The following RSPH6A variants were observed in gnomAD, a reference collection of about 807,000 sequenced individuals.
RSPH6A encodes radial spoke head 6 homolog A, also known as radial spoke head protein 6 homolog A.
A neutral mutation model predicts 66.1 loss-of-function variants in RSPH6A; 49 were observed. The observed-to-expected ratio is 0.74, with a 90% CI of 0.59 to 0.94. RSPH6A has a LOEUF of 0.94. Among genes scored for constraint, RSPH6A ranks in the 40% least tolerant of loss-of-function variants. The probability of loss-of-function intolerance (pLI) is 0.00; values close to 1 mark genes in which losing one functional copy is unlikely to be tolerated. For synonymous variants in RSPH6A, 419 were observed against 402.4 expected (o/e 1.04, Z -0.49); for missense variants, 977 against 948.3 (o/e 1.03, Z -0.40).
In RSPH6A at chr19:45,795,949, C is replaced by A; in HGVS notation, c.2074G>T (p.Ala692Ser). 1 of 1,613,992 alleles carries A rather than the reference C, an allele frequency of 6.2e-7. No individual in the cohort carries two copies. Among genetic ancestry groups the A allele is most frequent in the Non-Finnish European group, 8.5e-7 (1 of 1,180,008 alleles). ...GTGGCTCCCAGGGCTTGTTCCTGGG[C>A]TGCTTTCAGAGCCTGCTCCTCTTCC... ...TVEEEQALKAAQEQALGATEE... is the reference protein window; with the variant it reads ...TVEEEQALKASQEQALGATEE... Residue 692 changes from alanine (A) to serine (S), a missense_variant, in exon 6 of 6, where the codon GCC (alanine) becomes TCC (serine). By Grantham distance (99) the Ala-to-Ser change is moderately conservative (BLOSUM62 1). Transcript: ENST00000221538.
intron 3 of RSPH6A, among the ~76,000 whole-genome samples, chr19:45,802,937 A>T (rs551361984): frequency 5.3e-4 from 79 of 149,108 alleles, no homozygotes; most frequent in South Asian, 1.1e-3. Context: ...CCTCCCAAGC[A>T]GTGGCTTACG....
Position 45,810,833 on chromosome 19 carries a change from G to T in RSPH6A, c.658C>A (p.His220Asn), listed in dbSNP as rs776159398. Residue 220 changes from histidine (H) to asparagine (N), a missense_variant, in exon 2 of 6, where the codon CAC (histidine) becomes AAC (asparagine). By Grantham distance (68) the His-to-Asn change is moderately conservative. Transcript: ENST00000221538. ...ATCTTGGTCAGCAGATTCACCAGGT[G>T]CTCGTACCTGCCTCCCGCAGGAGGA... is the stretch of plus-strand genomic sequence containing the variant. ...SINCDLSLYE[H>N]LVNLLTKILN... 6.2e-7 allele frequency: 1 copy of T among 1,606,998 alleles called. No individual in the cohort carries two copies. The highest frequency in any genetic ancestry group is 1.7e-5 in the Admixed American group (1 of 59,768).
intron 1 of RSPH6A, among the ~76,000 whole-genome samples, chr19:45,813,140 C>A (rs1970650141): frequency 6.6e-6 from 1 of 152,080 alleles, no homozygotes; most frequent in Non-Finnish European, 1.5e-5. Flanking sequence ...AACCTCATTT[C>A]TCCCGCTCTC....
chr19:45,813,627 G>C (rs939404723), intron 1 of RSPH6A, among the ~76,000 whole-genome samples: 26 of 152,334 alleles, frequency 1.7e-4, no homozygotes, highest in Non-Finnish European at 3.8e-4. Context: ...TAACAGGCGT[G>C]AGCCACCGCA....
chr19:45,800,423 G>A (rs1308951893), intron 5 of RSPH6A, 23 bp downstream of exon 5: 1 of 1,598,352 alleles, frequency 6.3e-7, no homozygotes, highest in East Asian at 2.2e-5. Context: ...TCTCCTGCTG[G>A]GAGGGGCTGG....
intron 2 of RSPH6A, among the ~76,000 whole-genome samples, chr19:45,809,341 G>A (rs1462897730): frequency 8.7e-6 from 1 of 115,542 alleles, no homozygotes; most frequent in Non-Finnish European, 1.7e-5. Flanking sequence ...GTCTCGCTCT[G>A]TCGCCCAGGC....
intron 5 of RSPH6A, among the ~76,000 whole-genome samples, chr19:45,796,838 G>T (rs1169411745): frequency 6.6e-6 from 1 of 151,932 alleles, no homozygotes; most frequent in Non-Finnish European, 1.5e-5. Context: ...TAGTAGAGAG[G>T]GGGTTTCATC....
chr19:45,815,015 G>A lies in RSPH6A; in HGVS notation c.162C>T (p.Ala54=), dbSNP rs762669780. The A allele has an allele frequency of 6.8e-6, 11 of 1,613,674 alleles. No homozygotes were observed. The Admixed American group carries it at 1.0e-4, about 15-fold the overall frequency. ...QQIPPDAQRN[A]PGWSQRGSLS... ...GGCTGCCCCTCTGTGACCAACCAGG[G>A]GCGTTTCGCTGGGCGTCTGGAGGTA... The change falls in exon 1 of 6, where the codon GCC becomes GCT. Residue 54 remains alanine (A), a synonymous_variant. Transcript: ENST00000221538.
At chr19:45,808,565 C>G (rs1416064291) in intron 2 of RSPH6A, among the ~76,000 whole-genome samples, 5 of 151,596 alleles carry the variant, frequency 3.3e-5, no homozygotes, top group African/African-American at 1.2e-4. Context: ...TGTATTCCAG[C>G]CTGCGTGACA....
Position 45,804,621 on chromosome 19 carries a change from G to A in RSPH6A, c.1284C>T (p.Tyr428=), listed in dbSNP as rs1273995928. 6.2e-7 allele frequency: 1 copy of A among 1,614,170 alleles called. No homozygotes were observed. The highest frequency in any genetic ancestry group is 1.7e-5 in the Admixed American group (1 of 60,024). ...GCAGGCCCGGCTCGTTGCACACAAAGTACAGGTACTTGTTGGCGCCTGAGC... is the reference window on the plus strand; with the variant it reads ...GCAGGCCCGGCTCGTTGCACACAAAATACAGGTACTTGTTGGCGCCTGAGC... ...ESRSGANKYL[Y]FVCNEPGLPW... is the part of the protein sequence containing the mutation. Residue 428 remains tyrosine, a synonymous_variant, in exon 3 of 6, where the codon TAC becomes TAT. Coordinates refer to ENST00000221538, the MANE Select transcript of RSPH6A (RefSeq NM_030785.4). The surrounding 1 kb of genome is among the most constrained non-coding windows in gnomAD (Gnocchi z 5.8).
At chr19:45,814,397 C>T in intron 1 of RSPH6A, 130 bp downstream of exon 1, 1 of 779,010 alleles carries the variant, frequency 1.3e-6, no homozygotes, top group South Asian at 3.0e-5. Flanking sequence ...TTGATTCCGA[C>T]TCAGCTGAAT....
At chr19:45,812,361 T>C (rs1026622382) in intron 1 of RSPH6A, among the ~76,000 whole-genome samples, 2 of 152,114 alleles carry the variant, frequency 1.3e-5, no homozygotes, top group African/African-American at 4.8e-5. Flanking sequence ...ACTGCTGGGA[T>C]TACAGGCGTG....
At position 45,804,884 on chromosome 19, in the gene RSPH6A, T is replaced by A; in HGVS notation, c.1021A>T (p.Thr341Ser). ...AGGATCTTGCCCCAGAAGCGACAGG[T>A]GTGGATGGGCTGCTGCTCCACCAGC... ...KQLVEQQPIHTCRFWGKILGI... is the reference protein window; with the variant it reads ...KQLVEQQPIHSCRFWGKILGI... Residue 341 changes from threonine to serine, a missense_variant, in exon 3 of 6, where the codon ACC (threonine) becomes TCC (serine). Transcript: ENST00000221538. The surrounding 1 kb of genome is among the most constrained non-coding windows in gnomAD (Gnocchi z 5.8). 1 of 1,614,134 alleles carries A rather than the reference T, an allele frequency of 6.2e-7. No individual in the cohort carries two copies. Among genetic ancestry groups the A allele is most frequent in the Non-Finnish European group, 8.5e-7 (1 of 1,180,010 alleles).
At chr19:45,798,534 T>A in intron 5 of RSPH6A, among the ~76,000 whole-genome samples, 2 of 85,220 alleles carry the variant, frequency 2.3e-5, no homozygotes, top group African/African-American at 4.9e-5. Context: ...AGAGAGACCC[T>A]ATCTCAAAAA....
At chr19:45,809,023 A>G (rs1481710732) in intron 2 of RSPH6A, among the ~76,000 whole-genome samples, 6 of 115,418 alleles carry the variant, frequency 5.2e-5, no homozygotes, top group Admixed American at 2.0e-4. Context: ...TTTTTTTGAG[A>G]CGGAGTCTCG....
At chr19:45,811,636 A>C (rs7253302) in intron 1 of RSPH6A, among the ~76,000 whole-genome samples, 48,521 of 150,006 alleles carry the variant, frequency 0.32, 8,123 homozygotes, top group Non-Finnish European at 0.35. Context: ...GGGTTTCGCC[A>C]TGGTGGCCAG....
chr19:45,802,393 A>C, intron 3 of RSPH6A, 129 bp from the exon 4 acceptor site: 1 of 725,062 alleles, frequency 1.4e-6, no homozygotes, highest in South Asian at 6.1e-5. Context: ...AGAGGGCAAG[A>C]TTTAGCCGCA....
chr19:45,798,849 A>G (rs977462359), intron 5 of RSPH6A, among the ~76,000 whole-genome samples: 27 of 151,854 alleles, frequency 1.8e-4, no homozygotes, highest in African/African-American at 6.0e-4. Flanking sequence ...AAAAAAAAAA[A>G]AAAGAAAGAA....
chr19:45,804,394 T>C lies in RSPH6A; in HGVS notation c.1511A>G (p.Glu504Gly), dbSNP rs1162826166. The stretch of plus-strand genomic sequence containing the variant: ...TTCCTCCTCCTCGTCGCCCTCCTCC[T>C]CACTAAACTGGTAGAAGCCCAGCGG... ...VSPLGFYQFS[E>G]EEGDEEEEGG... Residue 504 changes from glutamate (E) to glycine (G), a missense_variant, in exon 3 of 6, where the codon GAG becomes GGG. Physicochemically the swap from Glu to Gly is moderately conservative, Grantham distance 98 (BLOSUM62 -2). Transcript: ENST00000221538. This position sits in a 1 kb window ranked among gnomAD's most constrained non-coding sequence, Gnocchi z 5.8. 1 of 1,614,028 alleles carries C rather than the reference T, an allele frequency of 6.2e-7. No homozygotes were observed. Among genetic ancestry groups the C allele is most frequent in the Non-Finnish European group, 8.5e-7 (1 of 1,179,976 alleles).
Sources: allele counts gnomAD v4.1 joint callset (sites outside exome capture counted in the v4.1 genomes callset), GRCh38; gene constraint gnomAD v4.1.1; non-coding constraint Gnocchi (gnomAD v3.1); transcripts MANE v1.5; gene names NCBI Gene and HGNC (gene_info 2026-07-23, HGNC 2026-07-21).